The following GTPBP10 variants were observed in gnomAD, a reference collection of about 807,000 sequenced individuals.
The protein encoded by GTPBP10 is GTP binding protein 10, also known as GTP-binding protein 10.
Under a neutral mutation model 44.8 loss-of-function variants are expected in GTPBP10, and 38 were observed. The ratio of observed to expected loss-of-function variants is 0.85; its 90% CI spans 0.65 to 1.11. The LOEUF (loss-of-function observed/expected upper bound fraction) is 1.11, where lower values mean the gene tolerates loss of function less well. Among genes scored for constraint, GTPBP10 ranks in the 50% most tolerant of loss-of-function variants. GTPBP10 has a pLI of 0.00. For synonymous variants in GTPBP10, 152 were observed against 150.6 expected (o/e 1.01, Z -0.07); for missense variants, 462 against 453.7 (o/e 1.02, Z -0.17).
rs138154983 is a variant in GTPBP10, at chr7:90,362,642, A to G, written c.464+7412A>G. On this transcript the variant is annotated intron_variant, in intron 4 of 9. Transcript: ENST00000222511. The stretch of plus-strand genomic sequence containing the variant: ...GGGGTGGAGAGTTCTGTAGATGTCT[A>G]TTAGGTCCTCATGGTGCAGAGCTGA... Among the ~76,000 whole-genome samples, 1,053 of 152,282 alleles carry G rather than the reference A, an allele frequency of 6.9e-3. 13 individuals are homozygous for G. The highest frequency in any genetic ancestry group is 0.023 in the African/African-American group (936 of 41,556).
intron 6 of GTPBP10, among the ~76,000 whole-genome samples, chr7:90,374,988 T>G (rs1796319152): frequency 6.6e-6 from 1 of 152,188 alleles, no homozygotes; most frequent in Non-Finnish European, 1.5e-5. Context: ...TATCTTTCAG[T>G]AGGTGAATGG....
chr7:90,367,016 C>T (rs1227605683), intron 4 of GTPBP10, among the ~76,000 whole-genome samples: 3 of 152,124 alleles, frequency 2.0e-5, no homozygotes, highest in Admixed American at 6.5e-5. Flanking sequence ...CAAAGAACAT[C>T]TTTATTTCTG....
chr7:90,387,640 ATTTATT>A lies in GTPBP10; in HGVS notation c.*2487_*2492del, dbSNP rs1796547306. ...TTTCTTTTTTCTTCATTGCTGATGT[ATTTATT>A]GAGCAATGTCCTGTATCAGGCACTG... On this transcript the variant is annotated 3_prime_UTR_variant, in exon 10 of 10. Coordinates refer to ENST00000222511, the MANE Select transcript of GTPBP10 (RefSeq NM_033107.4). 1 of 151,850 alleles carries A rather than the reference ATTTATT, an allele frequency of 6.6e-6. No homozygotes were observed. Among genetic ancestry groups the A allele is most frequent in the Non-Finnish European group, 1.5e-5 (1 of 67,996 alleles). The allele number at this position is 151,850 out of a possible 1,614,324, so 9.4% of individuals were successfully genotyped here.
Position 90,385,120 on chromosome 7 carries a change from A to G in GTPBP10, c.1130A>G (p.His377Arg), listed in dbSNP as rs1796501423. ...TMSSTEPPSK[H>R]AVTTSKMDII is the part of the protein sequence containing the mutation. ...TCTTCTACTGAGCCACCATCAAAGC[A>G]TGCTGTTACTACTTCCAAAATGGAT... is the stretch of plus-strand genomic sequence containing the variant. Residue 377 changes from histidine (H) to arginine (R), a missense_variant, in exon 10 of 10, where the codon CAT becomes CGT. Transcript: ENST00000222511. 1 of 1,610,308 alleles carries G rather than the reference A, an allele frequency of 6.2e-7. No individual in the cohort carries two copies. Among genetic ancestry groups the G allele is most frequent in the Non-Finnish European group, 8.5e-7 (1 of 1,177,358 alleles).
At chr7:90,378,697 T>TAA (rs1796386826) in intron 8 of GTPBP10, among the ~76,000 whole-genome samples, 1 of 152,090 alleles carries the variant, frequency 6.6e-6, no homozygotes, top group Non-Finnish European at 1.5e-5. Flanking sequence ...AGCTGATACC[T>TAA]AAATCTTTTC....
Position 90,372,111 on chromosome 7 carries a change from T to C in GTPBP10, c.465-44T>C, listed in dbSNP as rs1796267692. Reference sequence around the variant, plus strand: ...ACTTGAATTGTTAGGAATTCAGAGATAATAATATTGACATTTGTGTATAAT... The same window carrying C: ...ACTTGAATTGTTAGGAATTCAGAGACAATAATATTGACATTTGTGTATAAT... On this transcript the variant is annotated intron_variant, in intron 4 of 9. Coordinates refer to ENST00000222511, the MANE Select transcript of GTPBP10 (RefSeq NM_033107.4). 11 of 1,165,816 alleles carry C rather than the reference T, an allele frequency of 9.4e-6. No individual in the cohort carries two copies. In the East Asian group the frequency reaches 2.6e-4, roughly 28 times the overall value. The allele number at this position is 1,165,816 out of a possible 1,614,324, so 72.2% of individuals were successfully genotyped here.
intron 6 of GTPBP10, among the ~76,000 whole-genome samples, chr7:90,376,318 T>G (rs1796344973): frequency 6.6e-6 from 1 of 152,148 alleles, no homozygotes; most frequent in East Asian, 1.9e-4. Context: ...CTGTATTCTT[T>G]TATTATGTTG....
intron 4 of GTPBP10, among the ~76,000 whole-genome samples, chr7:90,370,048 T>C (rs1204168482): frequency 6.6e-6 from 1 of 152,182 alleles, no homozygotes; most frequent in East Asian, 1.9e-4. Flanking sequence ...CAAAACTACC[T>C]ATTGGGTACA....
rs1430063881 is a variant in GTPBP10 at position 90,384,962 on chromosome 7, A to G, written c.972A>G (p.Ile324Met). 6.2e-7 allele frequency: 1 copy of G among 1,612,182 alleles called. No individual in the cohort carries two copies. The highest frequency in any genetic ancestry group is 1.1e-5 in the South Asian group (1 of 91,040). The change falls in exon 10 of 10, where the codon ATA (isoleucine) becomes ATG (methionine). Residue 324 changes from isoleucine to methionine, a missense_variant. Physicochemically the swap from Ile to Met is conservative, Grantham distance 10. Coordinates refer to ENST00000222511, the MANE Select transcript of GTPBP10 (RefSeq NM_033107.4). ...TAGAGTTCCAACATATCATCCCCATATCTGCAGTTACTGGAGAAGGAATCG... is the reference window on the plus strand; with the variant it reads ...TAGAGTTCCAACATATCATCCCCATGTCTGCAGTTACTGGAGAAGGAATCG... ...RTVEFQHIIP[I>M]SAVTGEGIEE...
At chr7:90,370,903 A>T (rs1445549749) in intron 4 of GTPBP10, among the ~76,000 whole-genome samples, 1 of 151,874 alleles carries the variant, frequency 6.6e-6, no homozygotes, top group Non-Finnish European at 1.5e-5. Flanking sequence ...TCTACTTGGG[A>T]GGCTGAGGCA....
intron 4 of GTPBP10, among the ~76,000 whole-genome samples, chr7:90,367,266 T>G (rs1319834392): frequency 6.6e-6 from 1 of 152,196 alleles, no homozygotes; most frequent in Non-Finnish European, 1.5e-5. Flanking sequence ...TTCTGTCGAT[T>G]TGGGGTGGAG....
At chr7:90,374,506 A>G in intron 6 of GTPBP10, 152 bp downstream of exon 6, 1 of 579,718 alleles carries the variant, frequency 1.7e-6, no homozygotes, top group South Asian at 2.1e-5. Flanking sequence ...TGGTCAAATT[A>G]ATTCTGAGCA....
At chr7:90,364,936 G>T (rs1323991299) in intron 4 of GTPBP10, among the ~76,000 whole-genome samples, 2 of 152,222 alleles carry the variant, frequency 1.3e-5, no homozygotes, top group African/African-American at 2.4e-5. Flanking sequence ...GCCAGGTGCG[G>T]AATATAATCT....
rs764928166 is a variant in GTPBP10, at chr7:90,383,049, G to C, written c.871G>C (p.Glu291Gln). 8 of 1,587,222 alleles carry C rather than the reference G, an allele frequency of 5.0e-6. No individual in the cohort carries two copies. In the Admixed American group the frequency reaches 1.0e-4, roughly 20 times the overall value. Residue 291 changes from glutamate to glutamine, a missense_variant, in exon 9 of 10, where the codon GAA becomes CAA. Glu to Gln is a conservative substitution (Grantham distance 29). Coordinates refer to ENST00000222511, the MANE Select transcript of GTPBP10 (RefSeq NM_033107.4). Reference protein sequence around the residue: ...DLPDAQDKFHELMSQLQNPKD... With the variant: ...DLPDAQDKFHQLMSQLQNPKD... ...GCCAGATGCCCAAGATAAGTTCCAT[G>C]AATTGATGAGCCAGCTCCAGAATCC...
chr7:90,373,198 T>C (rs548345580), intron 5 of GTPBP10, among the ~76,000 whole-genome samples: 1 of 152,274 alleles, frequency 6.6e-6, no homozygotes, highest in East Asian at 1.9e-4. Context: ...GCATGTCACA[T>C]AGACCATTTA....
At position 90,377,563 on chromosome 7, in the gene GTPBP10, G is replaced by A. The variant is rs1222865338; in HGVS notation, c.648G>A (p.Met216Ile). 1.2e-6 allele frequency: 2 copies of A among 1,611,172 alleles called. No individual in the cohort carries two copies. The highest frequency in any genetic ancestry group is 1.7e-5 in the Admixed American group (1 of 59,846). Residue 216 changes from methionine to isoleucine, a missense_variant, in exon 7 of 10, where the codon ATG (methionine) becomes ATA (isoleucine). Coordinates refer to ENST00000222511, the MANE Select transcript of GTPBP10 (RefSeq NM_033107.4). ...AAGGAGCACATATGAACAAAGGAAT[G>A]GGCCACAAATTCCTCAAGCATATAG... ...LIEGAHMNKG[M>I]GHKFLKHIER... is the part of the protein sequence containing the mutation.
In GTPBP10 at chr7:90,355,227, T is replaced by C; in HGVS notation, c.461T>C (p.Val154Ala). The C allele has an allele frequency of 6.3e-7, 1 of 1,576,586 alleles. No individual in the cohort carries two copies. The highest frequency in any genetic ancestry group is 8.6e-7 in the Non-Finnish European group (1 of 1,158,700). Residue 154 changes from valine (V) to alanine (A), a missense_variant, in exon 4 of 10, where the codon GTA becomes GCA. Transcript: ENST00000222511. ...DLKLIADVGL[V>A]GFPNAGKSSL... ...AAACTTATAGCTGATGTAGGCCTAG[T>C]AGGGTAAGTATCGTTCATATTTTTA... is the stretch of plus-strand genomic sequence containing the variant.
Position 90,352,864 on chromosome 7 carries a change from G to A in GTPBP10, c.82G>A (p.Gly28Ser), listed in dbSNP as rs773871855. ...KLRLFTRGGS[G>S]GMGYPRLGGE... Reference sequence around the variant, plus strand: ...AAGACTCTTCACCAGGGGAGGATCCGGTGGAATGGGTTATCCTCGTTTAGG... The same window carrying A: ...AAGACTCTTCACCAGGGGAGGATCCAGTGGAATGGGTTATCCTCGTTTAGG... Residue 28 changes from glycine (G) to serine (S), a missense_variant, in exon 2 of 10, where the codon GGT (glycine) becomes AGT (serine). Transcript: ENST00000222511. The A allele has an allele frequency of 7.4e-6, 12 of 1,613,574 alleles. No individual in the cohort carries two copies. Among genetic ancestry groups the A allele is most frequent in the South Asian group, 2.2e-5 (2 of 91,044 alleles).
rs770957088 is a variant in GTPBP10 at position 90,384,879 on chromosome 7, CTCTT to C, written c.902-7_902-4del. 99 of 1,580,060 alleles carry C rather than the reference CTCTT, an allele frequency of 6.3e-5. 1 individual carries two copies. In the Admixed American group the frequency reaches 1.6e-3, roughly 25 times the overall value. On this transcript the variant is annotated splice_polypyrimidine_tract_variant and intron_variant, in intron 9 of 9. Coordinates refer to ENST00000222511, the MANE Select transcript of GTPBP10 (RefSeq NM_033107.4). ...ACAATGGAAATCAGCTTTGTTTGTGCTCTTTCTTTTAGATTTTCTGCATTTATTT... is the reference window on the plus strand; with the variant it reads ...ACAATGGAAATCAGCTTTGTTTGTGCTCTTTTAGATTTTCTGCATTTATTT...
Sources: gnomAD v4.1 joint callset for allele counts (sites outside exome capture counted in the v4.1 genomes callset) on GRCh38, gnomAD v4.1.1 for gene constraint, MANE v1.5 for transcripts, NCBI Gene and HGNC (gene_info 2026-07-23, HGNC 2026-07-21) for gene names.